PCBP3: variants seen among roughly 807,000 people sequenced by gnomAD.
PCBP3 encodes poly(rC)-binding protein 3.
Under a neutral mutation model 52.7 loss-of-function variants are expected in PCBP3, and 25 were observed. The ratio of observed to expected loss-of-function variants is 0.47; its 90% confidence interval spans 0.35 to 0.66. The LOEUF is 0.66. PCBP3 is among the 30% of genes least tolerant of loss of function. The probability of loss-of-function intolerance (pLI) is 0.01; values close to 1 mark genes in which losing one functional copy is unlikely to be tolerated. For synonymous variants in PCBP3, 162 were observed against 183.0 expected (o/e 0.89, Z 0.93); for missense variants, 391 against 490.3 (o/e 0.80, Z 1.91).
chr21:45,726,254 G>A (rs1269699468), intron 2 of PCBP3, among the ~76,000 whole-genome samples: 1 of 152,114 alleles, frequency 6.6e-6, no homozygotes, highest in Admixed American at 6.5e-5. Flanking sequence ...GGCTTGGCCA[G>A]GTAGGCAGTG....
In PCBP3 at chr21:45,704,505, C is replaced by T. The variant is rs545791756; in HGVS notation, c.-199-30887C>T. On this transcript the variant is annotated intron_variant, in intron 2 of 17. Coordinates refer to ENST00000681687, the MANE Select transcript of PCBP3 (RefSeq NM_001384156.1). This position sits in a 1 kb window ranked among gnomAD's most constrained non-coding sequence, Gnocchi z 4.1. ...TTTTCCTGCTCTCCCCTGGCAGAGG[C>T]GCCCCAGGGGGCTCCAGGGGAGTGC... 4.6e-5 allele frequency among the ~76,000 whole-genome samples: 7 copies of T among 152,216 alleles called. No individual in the cohort carries two copies. Among genetic ancestry groups the T allele is most frequent in the African/African-American group, 7.2e-5 (3 of 41,534 alleles).
intron 2 of PCBP3, among the ~76,000 whole-genome samples, chr21:45,720,762 C>A (rs191545164): frequency 6.6e-6 from 1 of 152,240 alleles, no homozygotes. Flanking sequence ...TAACGTCCAG[C>A]AGCTCAGCAC....
intron 4 of PCBP3, among the ~76,000 whole-genome samples, chr21:45,806,741 C>T (rs1413280641): frequency 6.6e-6 from 1 of 152,016 alleles, no homozygotes; most frequent in Non-Finnish European, 1.5e-5. Context: ...TCCCCACACC[C>T]CACGGAACAT....
At chr21:45,938,920 C>T (rs563575320) in intron 16 of PCBP3, among the ~76,000 whole-genome samples, 1 of 152,230 alleles carries the variant, frequency 6.6e-6, no homozygotes, top group Non-Finnish European at 1.5e-5. Flanking sequence ...ACCCCACAGA[C>T]TGAGCCCCTT....
At chr21:45,908,920 G>A (rs972000814) in intron 9 of PCBP3, among the ~76,000 whole-genome samples, 1 of 152,108 alleles carries the variant, frequency 6.6e-6, no homozygotes, top group South Asian at 2.1e-4. Flanking sequence ...CTGCCCCCGT[G>A]CCCTCCACAC....
At chr21:45,939,595 G>A (rs1235801140) in intron 16 of PCBP3, among the ~76,000 whole-genome samples, 1 of 152,242 alleles carries the variant, frequency 6.6e-6, no homozygotes, top group Non-Finnish European at 1.5e-5. Context: ...TGCCTGTCTG[G>A]GCAGAAGGGG....
intron 4 of PCBP3, among the ~76,000 whole-genome samples, chr21:45,764,108 CTTTTT>C (rs72354257): frequency 2.7e-5 from 3 of 109,222 alleles, no homozygotes; most frequent in Non-Finnish European, 5.9e-5. Context: ...GTTTCTCATT[CTTTTT>C]TTTTTCTTTT....
At chr21:45,673,012 C>T (rs2081264546) in intron 2 of PCBP3, among the ~76,000 whole-genome samples, 2 of 152,144 alleles carry the variant, frequency 1.3e-5, no homozygotes, top group African/African-American at 4.8e-5. Context: ...CATTATCTGC[C>T]TTCAGGTGAT....
chr21:45,662,857 C>T (rs578144399), intron 1 of PCBP3, among the ~76,000 whole-genome samples: 3 of 152,116 alleles, frequency 2.0e-5, no homozygotes, highest in Admixed American at 6.5e-5. Context: ...TTAGTGGTAG[C>T]GTCAGTGCCA....
At position 45,728,899 on chromosome 21, in the gene PCBP3, T is replaced by TCACTTAAAATGCAATTAAAGTG. The variant is rs916402942; in HGVS notation, c.-199-6471_-199-6450dup. Reference sequence around the variant, plus strand: ...ATTTATTTATTTATTGAGGTGAAATTCACTTAAAATGCAATTAAAGTGCAC... The same window carrying TCACTTAAAATGCAATTAAAGTG: ...ATTTATTTATTTATTGAGGTGAAATTCACTTAAAATGCAATTAAAGTGCACTTAAAATGCAATTAAAGTGCAC... On this transcript the variant is annotated intron_variant, in intron 2 of 17. Transcript: ENST00000681687. Among the ~76,000 whole-genome samples the TCACTTAAAATGCAATTAAAGTG allele has an allele frequency of 7.2e-5, 11 of 152,340 alleles. No individual in the cohort carries two copies. In the East Asian group the frequency reaches 1.7e-3, roughly 24 times the overall value.
chr21:45,887,877 T>C (rs1289817732), intron 5 of PCBP3, among the ~76,000 whole-genome samples: 1 of 152,168 alleles, frequency 6.6e-6, no homozygotes, highest in African/African-American at 2.4e-5. Context: ...CTCTTATCAA[T>C]AGATGTCTAG....
At chr21:45,819,511 G>A (rs1048095693) in intron 4 of PCBP3, among the ~76,000 whole-genome samples, 1 of 152,254 alleles carries the variant, frequency 6.6e-6, no homozygotes, top group African/African-American at 2.4e-5. Flanking sequence ...CGACACTGCC[G>A]TTGGGCACCC....
rs1318838136 is a variant in PCBP3 at position 45,755,468 on chromosome 21, A to G, written c.-126+16A>G. ...AGATCACATGGTAAGTGTGTGTTTA[A>G]TTTTGTAAGAAACTCCCAAGGAACG... is the stretch of plus-strand genomic sequence containing the variant. On this transcript the variant is annotated intron_variant, in intron 4 of 17. Transcript: ENST00000681687. Among the ~76,000 whole-genome samples, 1 of 152,132 alleles carries G rather than the reference A, an allele frequency of 6.6e-6. No individual in the cohort carries two copies. Among genetic ancestry groups the G allele is most frequent in the Non-Finnish European group, 1.5e-5 (1 of 68,028 alleles).
chr21:45,709,068 C>T (rs1368873036), intron 2 of PCBP3, among the ~76,000 whole-genome samples: 13 of 152,204 alleles, frequency 8.5e-5, no homozygotes. Context: ...TCCGTTTCCC[C>T]ATTTGTAAAA....
intron 2 of PCBP3, among the ~76,000 whole-genome samples, chr21:45,686,710 A>G (rs1277069580): frequency 6.6e-6 from 1 of 152,242 alleles, no homozygotes; most frequent in Non-Finnish European, 1.5e-5. Context: ...TAGAAGATAT[A>G]TAAAAAAGAG....
At chr21:45,865,749 G>A (rs950291075) in intron 5 of PCBP3, among the ~76,000 whole-genome samples, 5 of 152,214 alleles carry the variant, frequency 3.3e-5, no homozygotes, top group Admixed American at 2.0e-4. Flanking sequence ...GTTATCACCC[G>A]GAGCTGTGGG....
At chr21:45,831,460 A>G (rs949657088) in intron 4 of PCBP3, among the ~76,000 whole-genome samples, 4 of 152,050 alleles carry the variant, frequency 2.6e-5, no homozygotes, top group African/African-American at 9.7e-5. Context: ...TAGGGAATTA[A>G]TGGAAGAAAA....
intron 13 of PCBP3, among the ~76,000 whole-genome samples, chr21:45,926,805 T>A (rs1221364785): frequency 7.0e-6 from 1 of 143,846 alleles, no homozygotes; most frequent in African/African-American, 2.4e-5. Flanking sequence ...TATTCTGAGA[T>A]CAGGGGACGA....
rs1012744309 is a variant in PCBP3 at position 45,896,581 on chromosome 21, G to A, written c.165+219G>A. On this transcript the variant is annotated intron_variant, in intron 6 of 17. Transcript: ENST00000681687. Reference sequence around the variant, plus strand: ...TTGTCTCTGTAGGAAAGGCGGCCGCGGCACATAGAACTGGAGACGCACTGC... The same window carrying A: ...TTGTCTCTGTAGGAAAGGCGGCCGCAGCACATAGAACTGGAGACGCACTGC... 2.6e-5 allele frequency among the ~76,000 whole-genome samples: 4 copies of A among 151,076 alleles called. No homozygotes were observed. In the East Asian group the frequency reaches 5.9e-4, roughly 22 times the overall value.
Sources: gnomAD v4.1 joint callset for allele counts (sites outside exome capture counted in the v4.1 genomes callset) on GRCh38, gnomAD v4.1.1 for gene constraint, Gnocchi (gnomAD v3.1) non-coding constraint, MANE v1.5 for transcripts, NCBI Gene and HGNC (gene_info 2026-07-23, HGNC 2026-07-21) for gene names.